SDR9C7: variants seen among roughly 807,000 people sequenced by gnomAD.
SDR9C7 encodes the protein short chain dehydrogenase/reductase family 9C member 7, also known as short-chain dehydrogenase/reductase family 9C member 7.
SDR9C7 carries 11 observed loss-of-function variants against 23.6 expected under a neutral mutation model. The observed-to-expected ratio is 0.47, with a 90% confidence interval of 0.29 to 0.77. The LOEUF (loss-of-function observed/expected upper bound fraction) is 0.77. SDR9C7 is among the 30% of genes least tolerant of loss of function. The pLI is 0.09. For synonymous variants in SDR9C7, 167 were observed against 157.3 expected (o/e 1.06, Z -0.46); for missense variants, 387 against 407.1 (o/e 0.95, Z 0.42).
chr12:56,930,718 C>T (rs1353085619), intron 1 of SDR9C7, among the ~76,000 whole-genome samples: 1 of 152,222 alleles, frequency 6.6e-6, no homozygotes, highest in African/African-American at 2.4e-5. Context: ...GTACTAGCTA[C>T]AATCGAGGTG....
Position 56,929,411 on chromosome 12 carries a change from C to T in SDR9C7, c.703G>A (p.Gly235Arg), listed in dbSNP as rs369602151. The T allele has an allele frequency of 6.8e-6, 11 of 1,610,796 alleles. No individual in the cohort carries two copies. Among genetic ancestry groups the T allele is most frequent in the East Asian group, 4.5e-5 (2 of 44,744 alleles). The change falls in exon 3 of 4, where the codon GGA becomes AGA. Residue 235 changes from glycine (G) to arginine (R), a missense_variant. Coordinates refer to ENST00000293502, the MANE Select transcript of SDR9C7 (RefSeq NM_148897.3). ...TTACAGATGCGGAAATAATCCTCTC[C>T]GTAGCTGTCCCGGGTCTCCTGAGGC... The part of the protein sequence containing the change: ...RLPQETRDSY[G>R]EDYFRIYTDK...
rs770527469 is a variant in SDR9C7 at position 56,923,874 on chromosome 12, T to C, written c.901A>G (p.Ile301Val). Residue 301 changes from isoleucine to valine, a missense_variant, in exon 4 of 4, where the codon ATC (isoleucine) becomes GTC (valine). Physicochemically the swap from Ile to Val is conservative, Grantham distance 29. Coordinates refer to ENST00000293502, the MANE Select transcript of SDR9C7 (RefSeq NM_148897.3). ...AKLPTPVTDFILSRYLPRPAD... is the reference protein window; with the variant it reads ...AKLPTPVTDFVLSRYLPRPAD... The stretch of plus-strand genomic sequence containing the variant: ...GGCCTTGGAAGGTACCGGCTTAGGA[T>C]GAAATCTGTCACAGGGGTGGGCAAC... 6.2e-7 allele frequency: 1 copy of C among 1,613,894 alleles called. No individual in the cohort carries two copies. Among genetic ancestry groups the C allele is most frequent in the Non-Finnish European group, 8.5e-7 (1 of 1,179,890 alleles).
intron 2 of SDR9C7, 62 bp downstream of exon 2, chr12:56,930,164 C>T: frequency 6.3e-7 from 1 of 1,584,586 alleles, no homozygotes; most frequent in East Asian, 2.2e-5. Flanking sequence ...TGCTGTCACT[C>T]CCAACCCTCT....
At chr12:56,925,023 T>TG (rs1955724481) in intron 3 of SDR9C7, among the ~76,000 whole-genome samples, 2 of 151,926 alleles carry the variant, frequency 1.3e-5, no homozygotes, top group South Asian at 2.1e-4. Context: ...CCTTTTTTTT[T>TG]TCTTCTATGT....
chr12:56,931,622 T>C (rs998214853), intron 1 of SDR9C7, among the ~76,000 whole-genome samples: 14 of 152,122 alleles, frequency 9.2e-5, no homozygotes, highest in African/African-American at 2.9e-4. Flanking sequence ...AAAACAGTTG[T>C]TTCCAGGCTG....
intron 1 of SDR9C7, 149 bp downstream of exon 1, chr12:56,933,812 T>G: frequency 1.1e-6 from 1 of 933,082 alleles, no homozygotes. Context: ...ATGCAGTGGC[T>G]TCCAATCAGA....
In SDR9C7 at chr12:56,923,764, T is replaced by C. The variant is rs1955713581; in HGVS notation, c.*69A>G. 7.8e-7 allele frequency: 1 copy of C among 1,288,910 alleles called. No individual in the cohort carries two copies. The highest frequency in any genetic ancestry group is 1.1e-6 in the Non-Finnish European group (1 of 930,444). The allele number at this position is 1,288,910 out of a possible 1,614,324, so 79.8% of individuals were successfully genotyped here. ...GCCCCCAGGATAACCGATACCACCTTTTGTGACCCCACGGTCCTTCCTTCC... is the reference window on the plus strand; with the variant it reads ...GCCCCCAGGATAACCGATACCACCTCTTGTGACCCCACGGTCCTTCCTTCC... On this transcript the variant is annotated 3_prime_UTR_variant, in exon 4 of 4. Coordinates refer to ENST00000293502, the MANE Select transcript of SDR9C7 (RefSeq NM_148897.3).
rs75997315 is a variant in SDR9C7, at chr12:56,929,422, C to T, written c.692G>A (p.Arg231Gln). 2.2e-3 allele frequency: 3,545 copies of T among 1,612,416 alleles called. 72 individuals carry two copies. The African/African-American group carries it at 0.04, about 18-fold the overall frequency. ...KLWERLPQET[R>Q]DSYGEDYFRI... The stretch of plus-strand genomic sequence containing the variant: ...GAAATAATCCTCTCCGTAGCTGTCC[C>T]GGGTCTCCTGAGGCAGCCTCTCCCA... The change falls in exon 3 of 4, where the codon CGG becomes CAG. Residue 231 changes from arginine to glutamine, a missense_variant. By Grantham distance (43) the Arg-to-Gln change is conservative. Transcript: ENST00000293502.
chr12:56,930,223 T>C lies in SDR9C7; in HGVS notation c.560+3A>G, dbSNP rs1475077385. 1 of 1,613,778 alleles carries C rather than the reference T, an allele frequency of 6.2e-7. No homozygotes were observed. Reference sequence around the variant, plus strand: ...GAATTGTTCAGTACCAGGGCCCAGTTACCTTATGCTGTCAGAGAAGGCCTC... The same window carrying C: ...GAATTGTTCAGTACCAGGGCCCAGTCACCTTATGCTGTCAGAGAAGGCCTC... On this transcript the variant is annotated splice_donor_region_variant and intron_variant, in intron 2 of 3. Transcript: ENST00000293502.
chr12:56,932,038 G>C (rs1955771488), intron 1 of SDR9C7, among the ~76,000 whole-genome samples: 1 of 152,172 alleles, frequency 6.6e-6, no homozygotes, highest in Non-Finnish European at 1.5e-5. Flanking sequence ...TCTTAGACCA[G>C]GATATTGCCA....
chr12:56,932,488 T>G (rs1955774163), intron 1 of SDR9C7, among the ~76,000 whole-genome samples: 1 of 152,188 alleles, frequency 6.6e-6, no homozygotes. Context: ...ATTTTAGACA[T>G]TACTCCTCCA....
chr12:56,927,509 C>G (rs1955742329), intron 3 of SDR9C7, among the ~76,000 whole-genome samples: 1 of 152,242 alleles, frequency 6.6e-6, no homozygotes. Flanking sequence ...CACACTGTGT[C>G]CATTGGTCTG....
chr12:56,929,540 A>T lies in SDR9C7; in HGVS notation c.574T>A (p.Tyr192Asn). 2 of 1,603,524 alleles carry T rather than the reference A, an allele frequency of 1.2e-6. No individual in the cohort carries two copies. The highest frequency in any genetic ancestry group is 1.7e-6 in the Non-Finnish European group (2 of 1,170,928). ...ATGATGCAGACTTTCACCCCAAAGT[A>T]GTAGAGCTCACGCCTGGGAAAGAAG... ...FSDSIRRELY[Y>N]FGVKVCIIEP... Residue 192 changes from tyrosine to asparagine, a missense_variant, in exon 3 of 4, where the codon TAC becomes AAC. Coordinates refer to ENST00000293502, the MANE Select transcript of SDR9C7 (RefSeq NM_148897.3).
Position 56,930,462 on chromosome 12 carries a change from A to G in SDR9C7, c.324T>C (p.Asn108=), listed in dbSNP as rs1432063195. ...GACCACTGGGCAGGCCCACACCAGCATTGTTCACCAGGGCCCAGAGGCCTG... is the reference window on the plus strand; with the variant it reads ...GACCACTGGGCAGGCCCACACCAGCGTTGTTCACCAGGGCCCAGAGGCCTG... ...GEQGLWALVN[N]AGVGLPSGPN... is the part of the protein sequence containing the mutation. The change falls in exon 2 of 4, where the codon AAT becomes AAC. Residue 108 remains asparagine (N), a synonymous_variant. Transcript: ENST00000293502. 2 of 1,614,092 alleles carry G rather than the reference A, an allele frequency of 1.2e-6. No homozygotes were observed. The highest frequency in any genetic ancestry group is 1.7e-5 in the Admixed American group (1 of 60,032).
At chr12:56,932,498 A>C (rs1156754956) in intron 1 of SDR9C7, among the ~76,000 whole-genome samples, 2 of 152,198 alleles carry the variant, frequency 1.3e-5, no homozygotes, top group Non-Finnish European at 2.9e-5. Context: ...TTACTCCTCC[A>C]CAACTACAAG....
chr12:56,932,380 G>C (rs1955773429), intron 1 of SDR9C7, among the ~76,000 whole-genome samples: 1 of 152,208 alleles, frequency 6.6e-6, no homozygotes, highest in South Asian at 2.1e-4. Flanking sequence ...GATGCCAGCT[G>C]CCTCTGGAAG....
In SDR9C7 at chr12:56,930,283, A is replaced by G. The variant is rs755149984; in HGVS notation, c.503T>C (p.Ile168Thr). ...MSSSGGRVAV[I>T]GGGYCVSKFG... ...CTTGGAGACGCAGTAGCCACCACCA[A>G]TGACAGCCACACGACCACCAGAGCT... Residue 168 changes from isoleucine to threonine, a missense_variant, in exon 2 of 4, where the codon ATT (isoleucine) becomes ACT (threonine). Ile to Thr is a moderately conservative substitution (Grantham distance 89). Coordinates refer to ENST00000293502, the MANE Select transcript of SDR9C7 (RefSeq NM_148897.3). 7.4e-6 allele frequency: 12 copies of G among 1,613,888 alleles called. No individual in the cohort carries two copies. The African/African-American group carries it at 1.1e-4, about 14-fold the overall frequency.
chr12:56,934,078 A>AT lies in SDR9C7; in HGVS notation c.183dup (p.Ser62IlefsTer64). On this transcript the variant is annotated frameshift_variant, in exon 1 of 4. Coordinates refer to ENST00000293502, the MANE Select transcript of SDR9C7 (RefSeq NM_148897.3). LOFTEE classifies it high-confidence loss of function. ...GAGGTATCCCGCTGAAGTTTCTGGG[A>AT]TCCCTCCTCAGTGAAGCAAGCAGCC... 1 of 1,614,160 alleles carries AT rather than the reference A, an allele frequency of 6.2e-7. No homozygotes were observed. The highest frequency in any genetic ancestry group is 8.5e-7 in the Non-Finnish European group (1 of 1,180,046).
rs1378433481 is a variant in SDR9C7, at chr12:56,923,567, G to A, written c.*266C>T. On this transcript the variant is annotated 3_prime_UTR_variant, in exon 4 of 4. Transcript: ENST00000293502. ...GACCAGAAAAAGCTGTATCCTGATT[G>A]GGTGACAGACGTCCTTGGAGCTATT... is the stretch of plus-strand genomic sequence containing the variant. 3 of 317,470 alleles carry A rather than the reference G, an allele frequency of 9.4e-6. No homozygotes were observed. Among genetic ancestry groups the A allele is most frequent in the Non-Finnish European group, 1.7e-5 (3 of 173,234 alleles). 19.7% of individuals were successfully genotyped at this position (317,470 alleles called of 1,614,324 possible).
Sources: allele counts gnomAD v4.1 joint callset (sites outside exome capture counted in the v4.1 genomes callset), GRCh38; gene constraint gnomAD v4.1.1; transcripts MANE v1.5; gene names NCBI Gene and HGNC (gene_info 2026-07-23, HGNC 2026-07-21).